The following BSCL2 variants were observed in gnomAD, a reference collection of about 807,000 sequenced individuals.
BSCL2 encodes the protein BSCL2 lipid droplet biogenesis associated, seipin.
A neutral mutation model predicts 57.4 loss-of-function variants in BSCL2; 41 were observed. That is an observed-to-expected ratio of 0.71 (90% CI 0.56 to 0.93). The LOEUF (loss-of-function observed/expected upper bound fraction) is 0.93, where lower values mean the gene tolerates loss of function less well. Among genes scored for constraint, BSCL2 ranks in the 40% least tolerant of loss-of-function variants. The pLI, the probability that BSCL2 is intolerant of heterozygous loss-of-function variation, is 0.00. For missense variants in BSCL2, 539 were observed against 586.7 expected (o/e 0.92, Z 0.84); for synonymous variants, 237 against 227.3 (o/e 1.04, Z -0.38).
intron 2 of BSCL2, among the ~76,000 whole-genome samples, chr11:62,704,273 C>T (rs1043650547): frequency 6.7e-6 from 1 of 150,354 alleles, no homozygotes; most frequent in African/African-American, 2.4e-5. Flanking sequence ...ATGGTGAAAC[C>T]CCATCTCCCC....
chr11:62,709,007 C>T, upstream of BSCL2: 1 of 571,156 alleles, frequency 1.8e-6, no homozygotes, highest in Non-Finnish European at 3.2e-6. Flanking sequence ...CGACCCCAAG[C>T]ACCCCAGAGA....
At chr11:62,706,655 C>T (rs1288315571) in intron 1 of BSCL2, 3 of 475,080 alleles carry the variant, frequency 6.3e-6, no homozygotes, top group East Asian at 1.4e-4. Flanking sequence ...CCGAGTGAGG[C>T]GGTCATCCAG....
chr11:62,707,476 G>A (rs2083561743), upstream of BSCL2: 1 of 666,738 alleles, frequency 1.5e-6, no homozygotes, highest in East Asian at 2.7e-5. Context: ...GCCGTCATAG[G>A]CCCAGACCAC....
upstream of BSCL2, chr11:62,708,961 C>T: frequency 1.5e-6 from 1 of 675,148 alleles, no homozygotes; most frequent in Non-Finnish European, 2.6e-6. Flanking sequence ...CCACCCTCAC[C>T]TATCTGTCGA....
At chr11:62,705,239 G>T in intron 2 of BSCL2, 62 bp downstream of exon 2, 1 of 1,479,486 alleles carries the variant, frequency 6.8e-7, no homozygotes, top group South Asian at 1.2e-5. Flanking sequence ...TGAACTGAAT[G>T]AACTCCAAGG....
chr11:62,699,675 G>GTTTT (rs71056548), intron 3 of BSCL2, among the ~76,000 whole-genome samples: 8 of 87,212 alleles, frequency 9.2e-5, no homozygotes, highest in East Asian at 3.5e-4. Flanking sequence ...ATCCTATCTG[G>GTTTT]TTTTTTTTTT....
At chr11:62,700,565 CA>C (rs1945607467) in intron 3 of BSCL2, among the ~76,000 whole-genome samples, 1 of 152,088 alleles carries the variant, frequency 6.6e-6, no homozygotes, top group Non-Finnish European at 1.5e-5. Context: ...CGATTGAACC[CA>C]GGGGGCAGAG....
upstream of BSCL2, chr11:62,709,453 C>A (rs1018352138): frequency 3.5e-5 from 16 of 453,290 alleles, no homozygotes; most frequent in Non-Finnish European, 5.3e-5. Context: ...GTAAACAGGC[C>A]GAAGAGGGGG....
chr11:62,708,881 G>A (rs372845975), upstream of BSCL2: 16 of 1,137,714 alleles, frequency 1.4e-5, no homozygotes, highest in East Asian at 2.6e-4. Flanking sequence ...ATTGTTGTGA[G>A]CCCCTTAGGC....
In BSCL2 at chr11:62,690,686, T is replaced by C. The variant is rs779682500; in HGVS notation, c.1160A>G (p.Gln387Arg). The C allele has an allele frequency of 2.4e-5, 38 of 1,613,724 alleles. No homozygotes were observed. Among genetic ancestry groups the C allele is most frequent in the African/African-American group, 4.0e-5 (3 of 74,950 alleles). Reference sequence around the variant, plus strand: ...ATCTGGTTTCTCCTCCTCGGACAGCTGACCCTCTGCAGCCAAAAGGGGAAT... The same window carrying C: ...ATCTGGTTTCTCCTCCTCGGACAGCCGACCCTCTGCAGCCAAAAGGGGAAT... ...SPEDPSGTEGQLSEEEKPDQQ... is the reference protein window; with the variant it reads ...SPEDPSGTEGRLSEEEKPDQQ... The change falls in exon 10 of 11, where the codon CAG becomes CGG. Residue 387 changes from glutamine (Q) to arginine (R), a missense_variant. Physicochemically the swap from Gln to Arg is conservative, Grantham distance 43. This residue lies in a region of BSCL2 where 248 missense variants were observed against 239.9 expected (regional missense o/e 1.03). Coordinates refer to ENST00000360796, the MANE Select transcript of BSCL2 (RefSeq NM_001122955.4).
upstream of BSCL2, chr11:62,709,502 A>T: frequency 2.2e-6 from 1 of 454,006 alleles, no homozygotes; most frequent in Non-Finnish European, 4.4e-6. Flanking sequence ...CGTACAGCAG[A>T]GGAACTCTTA....
At chr11:62,691,754 A>G (rs1017974614) in intron 6 of BSCL2, among the ~76,000 whole-genome samples, 1 of 152,130 alleles carries the variant, frequency 6.6e-6, no homozygotes, top group Non-Finnish European at 1.5e-5. Flanking sequence ...GGTGCTTTAA[A>G]ACATTCTGCT....
intron 3 of BSCL2, among the ~76,000 whole-genome samples, chr11:62,701,829 G>GAAA (rs139041776): frequency 2.5e-5 from 3 of 121,026 alleles, no homozygotes; most frequent in Admixed American, 8.8e-5. Flanking sequence ...AGACTGTCTG[G>GAAA]AAAAAAAAAA....
chr11:62,691,501 T>C, intron 6 of BSCL2, 80 bp from the exon 7 acceptor site: 1 of 1,544,758 alleles, frequency 6.5e-7, no homozygotes. Context: ...AAATAATTTC[T>C]AGGGCAATTC....
chr11:62,692,229 A>G lies in BSCL2; in HGVS notation c.863+147T>C. 4 of 815,372 alleles carry G rather than the reference A, an allele frequency of 4.9e-6. No homozygotes were observed. In the South Asian group the frequency reaches 5.9e-5, roughly 12 times the overall value. The allele number at this position is 815,372 out of a possible 1,614,324, so 50.5% of individuals were successfully genotyped here. A position where few individuals can be genotyped will look rare whatever the true frequency, so the allele number is the denominator to read the frequency against. ...AGTTCCCCAGGGAGCTGATAGGCCA[A>G]TATGTGGCAGCTTTGAGACCCTCTG... On this transcript the variant is annotated intron_variant, in intron 6 of 10. Coordinates refer to ENST00000360796, the MANE Select transcript of BSCL2 (RefSeq NM_001122955.4).
chr11:62,699,447 C>T (rs1386440492), intron 3 of BSCL2, among the ~76,000 whole-genome samples: 7 of 152,146 alleles, frequency 4.6e-5, no homozygotes, highest in Non-Finnish European at 7.3e-5. Flanking sequence ...CCGCCTGCCT[C>T]GGCCTCCCAA....
chr11:62,707,935 T>C (rs571210986), upstream of BSCL2: 108 of 309,068 alleles, frequency 3.5e-4, no homozygotes, highest in Non-Finnish European at 5.7e-4. Context: ...GGCCTGTTTT[T>C]CTCCTGTTGG....
chr11:62,696,565 T>C (rs992193201), intron 3 of BSCL2, among the ~76,000 whole-genome samples: 1 of 151,942 alleles, frequency 6.6e-6, no homozygotes, highest in Non-Finnish European at 1.5e-5. Flanking sequence ...ATTAATTCTT[T>C]TCTTTTTTGA....
At chr11:62,699,145 C>T (rs1172925652) in intron 3 of BSCL2, among the ~76,000 whole-genome samples, 1 of 151,784 alleles carries the variant, frequency 6.6e-6, no homozygotes, top group Non-Finnish European at 1.5e-5. Flanking sequence ...CCTCATGATC[C>T]GCCCGCCTCG....
Sources: allele counts gnomAD v4.1 joint callset (sites outside exome capture counted in the v4.1 genomes callset), GRCh38; gene constraint gnomAD v4.1.1; regional missense constraint gnomAD v4.1.1; transcripts MANE v1.5; gene names NCBI Gene and HGNC (gene_info 2026-07-23, HGNC 2026-07-21).